The following CLSTN2 variants were observed in gnomAD, a reference collection of about 807,000 sequenced individuals.
CLSTN2 encodes calsyntenin 2.
A neutral mutation model predicts 101.2 loss-of-function variants in CLSTN2; 48 were observed. The observed-to-expected ratio is 0.47, with a 90% CI of 0.38 to 0.60. CLSTN2 has a LOEUF of 0.60. Among genes scored for constraint, CLSTN2 ranks in the 20% least tolerant of loss-of-function variants. The pLI is 0.00. For missense variants in CLSTN2, 1,160 were observed against 1,238.2 expected, an observed-to-expected ratio of 0.94 and a Z score of 0.95; for synonymous variants, 481 against 463.6, an observed-to-expected ratio of 1.04 and a Z score of -0.48.
At chr3:140,291,659 G>T (rs899766281) in intron 2 of CLSTN2, among the ~76,000 whole-genome samples, 8 of 151,454 alleles carry the variant, frequency 5.3e-5, no homozygotes, top group Non-Finnish European at 1.0e-4. Flanking sequence ...GATCTCTCAT[G>T]AACTCCAGTC....
intron 7 of CLSTN2, among the ~76,000 whole-genome samples, chr3:140,466,309 A>G (rs1933700460): frequency 6.6e-6 from 1 of 152,192 alleles, no homozygotes; most frequent in African/African-American, 2.4e-5. Context: ...TTGTTAACCT[A>G]AGTAATTTGT....
At chr3:140,135,125 TA>T (rs1385579649) in intron 1 of CLSTN2, among the ~76,000 whole-genome samples, 2 of 68,694 alleles carry the variant, frequency 2.9e-5, no homozygotes, top group Admixed American at 3.3e-4. Flanking sequence ...CACATATATA[TA>T]TATATATATA....
At chr3:140,329,138 GC>G (rs2087358359) in intron 2 of CLSTN2, among the ~76,000 whole-genome samples, 1 of 152,076 alleles carries the variant, frequency 6.6e-6, no homozygotes, top group South Asian at 2.1e-4. Flanking sequence ...TGTAATCCCA[GC>G]ACTTTGGGAA....
chr3:140,411,263 T>C (rs2088359477), intron 4 of CLSTN2, among the ~76,000 whole-genome samples: 1 of 152,130 alleles, frequency 6.6e-6, no homozygotes, highest in South Asian at 2.1e-4. Flanking sequence ...CCAAAAGAGA[T>C]CAAGGGTAGC....
At chr3:139,978,438 A>G (rs1935857271) in intron 1 of CLSTN2, among the ~76,000 whole-genome samples, 1 of 152,140 alleles carries the variant, frequency 6.6e-6, no homozygotes, top group Non-Finnish European at 1.5e-5. Flanking sequence ...TGTTGCATAG[A>G]AAGTACCCAG....
chr3:140,300,136 A>C (rs2087044377), intron 2 of CLSTN2, among the ~76,000 whole-genome samples: 2 of 152,304 alleles, frequency 1.3e-5, no homozygotes, highest in East Asian at 3.9e-4. Flanking sequence ...TTTGCTCTTT[A>C]ATTATCTCTG....
intron 2 of CLSTN2, among the ~76,000 whole-genome samples, chr3:140,260,523 T>C (rs1005459260): frequency 8.5e-5 from 13 of 152,144 alleles, no homozygotes; most frequent in African/African-American, 3.1e-4. Flanking sequence ...GTTAATATGG[T>C]AAATTACATT....
chr3:140,426,247 T>A (rs1487393109), intron 5 of CLSTN2, among the ~76,000 whole-genome samples: 1 of 152,214 alleles, frequency 6.6e-6, no homozygotes, highest in Non-Finnish European at 1.5e-5. Flanking sequence ...AAGCGCCACA[T>A]GCAGTAGCTA....
chr3:140,227,760 T>G lies in CLSTN2; in HGVS notation c.232+51687T>G, dbSNP rs116739869. On this transcript the variant is annotated intron_variant, in intron 2 of 16. Coordinates refer to ENST00000458420, the MANE Select transcript of CLSTN2 (RefSeq NM_022131.3). ...ACCAAACCCTCATTCTTGACTTCTG[T>G]GCACTTGCAGGCTCAACACCACCTG... is the stretch of plus-strand genomic sequence containing the variant. 4.6e-3 allele frequency among the ~76,000 whole-genome samples: 700 copies of G among 152,344 alleles called. 1 individual carries two copies. The highest frequency in any genetic ancestry group is 0.016 in the African/African-American group (659 of 41,572).
At chr3:140,211,401 C>CACACAT (rs1203269197) in intron 2 of CLSTN2, among the ~76,000 whole-genome samples, 3 of 144,840 alleles carry the variant, frequency 2.1e-5, no homozygotes, top group Non-Finnish European at 4.5e-5. Context: ...TGGTAATTCA[C>CACACAT]ACACACACAC....
At chr3:140,124,704 C>A (rs991616231) in intron 1 of CLSTN2, among the ~76,000 whole-genome samples, 1 of 152,010 alleles carries the variant, frequency 6.6e-6, no homozygotes, top group African/African-American at 2.4e-5. Context: ...CATGAGACAG[C>A]CAGGTGGAGA....
chr3:140,157,937 A>G (rs1165849309), intron 1 of CLSTN2, among the ~76,000 whole-genome samples: 1 of 152,242 alleles, frequency 6.6e-6, no homozygotes, highest in Non-Finnish European at 1.5e-5. Flanking sequence ...ATAGATGCAG[A>G]AAAAGCTTTC....
chr3:139,975,889 A>T (rs1269937410), intron 1 of CLSTN2, among the ~76,000 whole-genome samples: 1 of 152,220 alleles, frequency 6.6e-6, no homozygotes, highest in Non-Finnish European at 1.5e-5. Flanking sequence ...CCTGTGAGGC[A>T]GTGTGCTAAG....
intron 1 of CLSTN2, among the ~76,000 whole-genome samples, chr3:139,971,578 C>G (rs1423083538): frequency 6.6e-6 from 1 of 152,124 alleles, no homozygotes; most frequent in Non-Finnish European, 1.5e-5. Context: ...GGAGCGGTTC[C>G]CCAAGCAGGA....
intron 2 of CLSTN2, among the ~76,000 whole-genome samples, chr3:140,259,810 AT>A (rs2086634925): frequency 6.6e-6 from 1 of 152,140 alleles, no homozygotes; most frequent in South Asian, 2.1e-4. Flanking sequence ...AGGTGAGTTC[AT>A]TTTTTTAATT....
intron 1 of CLSTN2, among the ~76,000 whole-genome samples, chr3:140,024,414 A>G (rs2007377740): frequency 6.6e-6 from 1 of 152,226 alleles, no homozygotes; most frequent in Non-Finnish European, 1.5e-5. Flanking sequence ...CAGGACCCAC[A>G]TCAGCTGCAT....
chr3:139,984,493 A>T (rs11929650), intron 1 of CLSTN2, among the ~76,000 whole-genome samples: 44,271 of 151,996 alleles, frequency 0.29, 6,643 homozygotes, highest in East Asian at 0.41. Context: ...TTCTTATATG[A>T]CTGGATCTCT....
At chr3:140,275,517 C>T (rs2107892739) in intron 2 of CLSTN2, among the ~76,000 whole-genome samples, 1 of 152,262 alleles carries the variant, frequency 6.6e-6, no homozygotes, top group Non-Finnish European at 1.5e-5. Flanking sequence ...AGCAATCCTC[C>T]CACCTTGGCC....
intron 9 of CLSTN2, 58 bp downstream of exon 9, chr3:140,532,544 C>A: frequency 1.4e-6 from 2 of 1,429,774 alleles, no homozygotes; most frequent in Non-Finnish European, 1.9e-6. Flanking sequence ...TTGGAAGATA[C>A]TTGTAGAGAA....
Sources: allele counts gnomAD v4.1 joint callset (sites outside exome capture counted in the v4.1 genomes callset), GRCh38; gene constraint gnomAD v4.1.1; transcripts MANE v1.5; gene names NCBI Gene and HGNC (gene_info 2026-07-23, HGNC 2026-07-21).